Variants in HIBCH observed in about 807,000 individuals in gnomAD.
The protein encoded by HIBCH is 3-hydroxyisobutyryl-CoA hydrolase, mitochondrial.
In HIBCH, 50 loss-of-function variants were observed where a neutral mutation model predicts 58.2. The ratio of observed to expected loss-of-function variants is 0.86; its 90% CI spans 0.68 to 1.09. The LOEUF is 1.09. Among genes scored for constraint, HIBCH ranks in the 50% least tolerant of loss-of-function variants. The pLI, the probability that HIBCH is intolerant of heterozygous loss-of-function variation, is 0.00. For missense variants in HIBCH, 450 were observed against 449.7 expected (o/e 1.00, Z -0.01); for synonymous variants, 151 against 146.9 (o/e 1.03, Z -0.20).
Position 190,319,759 on chromosome 2 carries a change from A to G in HIBCH, c.-9T>C, listed in dbSNP as rs892064558. The G allele has an allele frequency of 1.2e-6, 2 of 1,610,856 alleles. No homozygotes were observed. Among genetic ancestry groups the G allele is most frequent in the Non-Finnish European group, 1.7e-6 (2 of 1,178,798 alleles). ...ATCTCGCGCTGCCCCATCGCCAAACACTCCGAAGCTAAAGCAGCAGAGCGA... is the reference window on the plus strand; with the variant it reads ...ATCTCGCGCTGCCCCATCGCCAAACGCTCCGAAGCTAAAGCAGCAGAGCGA... On this transcript the variant is annotated 5_prime_UTR_variant, in exon 1 of 14. Coordinates refer to ENST00000359678, the MANE Select transcript of HIBCH (RefSeq NM_014362.4).
intron 11 of HIBCH, among the ~76,000 whole-genome samples, chr2:190,219,644 C>T (rs1685659978): frequency 6.6e-6 from 1 of 152,128 alleles, no homozygotes; most frequent in Non-Finnish European, 1.5e-5. Context: ...GCAAGACAAC[C>T]CTAAAAACAC....
chr2:190,242,948 T>G (rs1686497065), intron 11 of HIBCH, among the ~76,000 whole-genome samples: 1 of 152,250 alleles, frequency 6.6e-6, no homozygotes, highest in African/African-American at 2.4e-5. Flanking sequence ...TTGCATTATG[T>G]TAGGCATAAT....
intron 2 of HIBCH, among the ~76,000 whole-genome samples, chr2:190,299,512 C>CAA (rs1162331902): frequency 6.6e-6 from 1 of 152,088 alleles, no homozygotes; most frequent in Non-Finnish European, 1.5e-5. Context: ...GATACACACA[C>CAA]ACACACACAT....
At chr2:190,194,844 C>T (rs917414791) in intron 1 of HIBCH, among the ~76,000 whole-genome samples, 5 of 152,044 alleles carry the variant, frequency 3.3e-5, no homozygotes, top group African/African-American at 1.2e-4. Flanking sequence ...TCCTCCTTTT[C>T]TTCCCATGGC....
chr2:190,259,705 T>A (rs291414), intron 7 of HIBCH, among the ~76,000 whole-genome samples: 2 of 152,086 alleles, frequency 1.3e-5, no homozygotes, highest in Non-Finnish European at 2.9e-5. Context: ...TTTTATATCC[T>A]ACAGCTTTAC....
intron 6 of HIBCH, among the ~76,000 whole-genome samples, chr2:190,273,444 C>T (rs574139769): frequency 6.6e-6 from 1 of 152,030 alleles, no homozygotes; most frequent in East Asian, 1.9e-4. Flanking sequence ...TAACTCTCCC[C>T]TAATAAGACA....
rs1278256144 is a variant in HIBCH, at chr2:190,210,910, C to G, written c.1012-1997G>C. Among the ~76,000 whole-genome samples, 1 of 152,146 alleles carries G rather than the reference C, an allele frequency of 6.6e-6. No individual in the cohort carries two copies. The highest frequency in any genetic ancestry group is 1.5e-5 in the Non-Finnish European group (1 of 68,030). ...GGTCATCCCATCTACAATTCATCCCCCTGTTACTCTATATCACATATCCTG... is the reference window on the plus strand; with the variant it reads ...GGTCATCCCATCTACAATTCATCCCGCTGTTACTCTATATCACATATCCTG... On this transcript the variant is annotated intron_variant, in intron 12 of 13. Coordinates refer to ENST00000359678, the MANE Select transcript of HIBCH (RefSeq NM_014362.4). This position sits in a 1 kb window ranked among gnomAD's most constrained non-coding sequence, Gnocchi z 5.5.
intron 1 of HIBCH, among the ~76,000 whole-genome samples, chr2:190,194,194 C>T (rs779569479): frequency 1.3e-4 from 20 of 152,112 alleles, no homozygotes; most frequent in Non-Finnish European, 2.6e-4. Flanking sequence ...GTTCCATATG[C>T]ACTTGATAAG....
intron 11 of HIBCH, among the ~76,000 whole-genome samples, chr2:190,226,031 G>C (rs1156519342): frequency 6.6e-6 from 1 of 152,184 alleles, no homozygotes; most frequent in Admixed American, 6.5e-5. Context: ...AATAGATGCA[G>C]AAAAGGGCTT....
intron 4 of HIBCH, among the ~76,000 whole-genome samples, chr2:190,292,288 G>A (rs373390411): frequency 1.3e-5 from 2 of 151,618 alleles, no homozygotes; most frequent in African/African-American, 4.8e-5. Flanking sequence ...TCCATATGTC[G>A]ACTTCTTTTC....
At chr2:190,261,114 A>G in intron 7 of HIBCH, 42 bp downstream of exon 7, 1 of 1,365,958 alleles carries the variant, frequency 7.3e-7, no homozygotes, top group Non-Finnish European at 1.0e-6. Context: ...TCAAAAGAAG[A>G]TGATGCTAAA....
chr2:190,277,718 G>A (rs1687592686), intron 6 of HIBCH, among the ~76,000 whole-genome samples: 1 of 152,202 alleles, frequency 6.6e-6, no homozygotes, highest in Non-Finnish European at 1.5e-5. Flanking sequence ...ATCATAGGCA[G>A]CCAACTGATC....
At chr2:190,293,433 A>G (rs1045292855) in intron 4 of HIBCH, among the ~76,000 whole-genome samples, 2 of 150,518 alleles carry the variant, frequency 1.3e-5, no homozygotes, top group Non-Finnish European at 2.9e-5. Context: ...AGCCTGCGCA[A>G]CAAGAGCGAA....
intron 8 of HIBCH, 60 bp from the exon 9 acceptor site, chr2:190,249,786 T>C (rs1251633364): frequency 4.8e-6 from 5 of 1,050,902 alleles, no homozygotes; most frequent in Non-Finnish European, 7.3e-6. Flanking sequence ...TAGAAAGCTT[T>C]ATAAAAATCT....
chr2:190,290,533 C>T (rs561973602), intron 4 of HIBCH, 48 bp from the exon 5 acceptor site: 2 of 1,138,794 alleles, frequency 1.8e-6, no homozygotes, highest in South Asian at 2.5e-5. Context: ...TAATAGTCAA[C>T]ATTGTCAACT....
intron 2 of HIBCH, among the ~76,000 whole-genome samples, chr2:190,307,414 A>G (rs1243008828): frequency 1.3e-5 from 2 of 152,214 alleles, no homozygotes; most frequent in Non-Finnish European, 2.9e-5. Flanking sequence ...GCTCACACCT[A>G]TCATTCTAGC....
Position 190,306,367 on chromosome 2 carries a change from A to G in HIBCH, c.78+4387T>C, listed in dbSNP as rs915476683. Among the ~76,000 whole-genome samples, 2 of 152,174 alleles carry G rather than the reference A, an allele frequency of 1.3e-5. No individual in the cohort carries two copies. Among genetic ancestry groups the G allele is most frequent in the Non-Finnish European group, 2.9e-5 (2 of 68,026 alleles). On this transcript the variant is annotated intron_variant, in intron 2 of 13. Transcript: ENST00000359678. This position sits in a 1 kb window ranked among gnomAD's most constrained non-coding sequence, Gnocchi z 4.6. ...ATTTTCAAGGTAGCCACCATGAAGA[A>G]AAAGGTCTTTTGCTGTAGACTCCAC...
chr2:190,270,999 A>G (rs977165199), intron 6 of HIBCH, among the ~76,000 whole-genome samples: 3 of 152,072 alleles, frequency 2.0e-5, no homozygotes, highest in Non-Finnish European at 4.4e-5. Flanking sequence ...GAGAGAAAAT[A>G]TTTAACTTAT....
At chr2:190,241,252 G>A (rs919243560) in intron 11 of HIBCH, among the ~76,000 whole-genome samples, 1 of 152,046 alleles carries the variant, frequency 6.6e-6, no homozygotes, top group Non-Finnish European at 1.5e-5. Context: ...GATTGCTTTT[G>A]GTTTAAAGTC....
Sources: allele counts gnomAD v4.1 joint callset (sites outside exome capture counted in the v4.1 genomes callset), GRCh38; gene constraint gnomAD v4.1.1; non-coding constraint Gnocchi (gnomAD v3.1); transcripts MANE v1.5; gene names NCBI Gene and HGNC (gene_info 2026-07-23, HGNC 2026-07-21).